Variants in ARHGAP26 observed in about 807,000 individuals in gnomAD.
ARHGAP26 encodes the protein rho GTPase-activating protein 26.
A neutral mutation model predicts 104.8 loss-of-function variants in ARHGAP26; 38 were observed. That is an observed-to-expected ratio of 0.36 (90% CI 0.28 to 0.48). The LOEUF is 0.48. Among genes scored for constraint, ARHGAP26 ranks in the 20% least tolerant of loss-of-function variants. The probability of loss-of-function intolerance (pLI) is 0.99; values close to 1 mark genes in which losing one functional copy is unlikely to be tolerated. For missense variants in ARHGAP26, 704 were observed against 947.9 expected, an observed-to-expected ratio of 0.74 and a Z score of 3.38; for synonymous variants, 341 against 340.0, an observed-to-expected ratio of 1.00 and a Z score of -0.03.
At chr5:142,913,838 G>A (rs1338670173) in intron 10 of ARHGAP26, among the ~76,000 whole-genome samples, 8 of 152,160 alleles carry the variant, frequency 5.3e-5, no homozygotes, top group South Asian at 2.1e-4. Context: ...AGAGAGAGCC[G>A]TGTGTTGTAT....
intron 10 of ARHGAP26, among the ~76,000 whole-genome samples, chr5:142,913,726 T>C (rs1026564551): frequency 1.3e-4 from 20 of 152,154 alleles, no homozygotes; most frequent in Non-Finnish European, 1.3e-4. Flanking sequence ...TGGAAGAAAT[T>C]TTTCTCAAAT....
chr5:143,208,784 G>A (rs1244534183), intron 21 of ARHGAP26, among the ~76,000 whole-genome samples: 1 of 152,200 alleles, frequency 6.6e-6, no homozygotes, highest in Non-Finnish European at 1.5e-5. Flanking sequence ...ACCTGGCTTT[G>A]TCCTGGATGA....
chr5:142,866,576 C>T (rs59672579), intron 1 of ARHGAP26, among the ~76,000 whole-genome samples: 17,510 of 152,134 alleles, frequency 0.12, 1,195 homozygotes, highest in East Asian at 0.28. Context: ...AGGGGTATTT[C>T]ATCTAAATAG....
intron 11 of ARHGAP26, among the ~76,000 whole-genome samples, chr5:142,986,653 C>G (rs1246415646): frequency 2.0e-5 from 3 of 152,182 alleles, no homozygotes; most frequent in Non-Finnish European, 2.9e-5. Flanking sequence ...ACATTTAAGT[C>G]TTTAATCCAT....
intron 18 of ARHGAP26, among the ~76,000 whole-genome samples, chr5:143,128,267 AG>A (rs1479682807): frequency 1.3e-5 from 2 of 152,220 alleles, no homozygotes; most frequent in Non-Finnish European, 2.9e-5. Flanking sequence ...ACTCAAATAA[AG>A]GTGGAGATTG....
intron 22 of ARHGAP26, among the ~76,000 whole-genome samples, chr5:143,219,244 G>C (rs1057182721): frequency 2.6e-5 from 4 of 152,180 alleles, no homozygotes; most frequent in African/African-American, 7.2e-5. Flanking sequence ...TTTCTCATCT[G>C]CAAAATACAG....
chr5:142,970,867 G>A (rs1309525831), intron 11 of ARHGAP26, among the ~76,000 whole-genome samples: 1 of 152,200 alleles, frequency 6.6e-6, no homozygotes, highest in Non-Finnish European at 1.5e-5. Flanking sequence ...TGGAGAAGGC[G>A]ATGTTTAACC....
At chr5:142,977,780 A>T (rs2152720378) in intron 11 of ARHGAP26, among the ~76,000 whole-genome samples, 1 of 152,352 alleles carries the variant, frequency 6.6e-6, no homozygotes, top group Non-Finnish European at 1.5e-5. Context: ...GACCACAAAA[A>T]TTCACGGAGG....
intron 1 of ARHGAP26, among the ~76,000 whole-genome samples, chr5:142,816,354 A>G (rs1457041570): frequency 6.6e-6 from 1 of 152,234 alleles, no homozygotes; most frequent in Non-Finnish European, 1.5e-5. Context: ...AGTGTTAGGT[A>G]CAGTGAAGGC....
intron 1 of ARHGAP26, among the ~76,000 whole-genome samples, chr5:142,823,737 G>A (rs994590157): frequency 3.9e-5 from 6 of 152,254 alleles, no homozygotes; most frequent in Non-Finnish European, 7.4e-5. Context: ...TGAATGTCAC[G>A]GTGTGTGTGT....
chr5:143,108,527 G>C (rs1470920145), intron 17 of ARHGAP26, among the ~76,000 whole-genome samples: 1 of 152,018 alleles, frequency 6.6e-6, no homozygotes, highest in Non-Finnish European at 1.5e-5. Context: ...CAGTCACTTT[G>C]GTAGACTGGC....
intron 17 of ARHGAP26, among the ~76,000 whole-genome samples, chr5:143,116,674 T>C (rs550599573): frequency 6.6e-6 from 1 of 152,334 alleles, no homozygotes; most frequent in Admixed American, 6.5e-5. Flanking sequence ...CCACCATCTT[T>C]ATCTGGAAGT....
At chr5:143,117,361 G>A (rs993901563) in intron 17 of ARHGAP26, among the ~76,000 whole-genome samples, 1 of 152,182 alleles carries the variant, frequency 6.6e-6, no homozygotes, top group Non-Finnish European at 1.5e-5. Context: ...GCCTGCAGAG[G>A]CTGACGTCTA....
intron 14 of ARHGAP26, among the ~76,000 whole-genome samples, chr5:143,046,235 C>T (rs982344849): frequency 7.2e-5 from 11 of 152,026 alleles, no homozygotes; most frequent in African/African-American, 9.7e-5. Context: ...ACCCAGGAAG[C>T]GGAGGTTGCA....
intron 1 of ARHGAP26, among the ~76,000 whole-genome samples, chr5:142,864,346 C>T (rs767756869): frequency 5.3e-5 from 8 of 152,170 alleles, no homozygotes; most frequent in African/African-American, 1.9e-4. Context: ...TTAAAAGGCA[C>T]GACTTGAGCT....
At chr5:142,991,107 C>A (rs1037045495) in intron 11 of ARHGAP26, among the ~76,000 whole-genome samples, 16 of 152,188 alleles carry the variant, frequency 1.1e-4, no homozygotes, top group Non-Finnish European at 4.4e-5. Context: ...GCGGTGGGCT[C>A]CACCCAGTTC....
intron 14 of ARHGAP26, among the ~76,000 whole-genome samples, chr5:143,048,245 G>A (rs1364224105): frequency 1.3e-5 from 2 of 151,922 alleles, no homozygotes; most frequent in African/African-American, 4.8e-5. Flanking sequence ...ACTTTATGGT[G>A]CATTTGTTTT....
chr5:142,796,062 G>A (rs1760931847), intron 1 of ARHGAP26, among the ~76,000 whole-genome samples: 2 of 146,186 alleles, frequency 1.4e-5, no homozygotes, highest in Admixed American at 1.3e-4. Context: ...TTCTGTGTGT[G>A]TGTGTGTGTG....
intron 1 of ARHGAP26, among the ~76,000 whole-genome samples, chr5:142,858,950 G>A (rs1752856978): frequency 3.3e-5 from 5 of 152,168 alleles, no homozygotes; most frequent in South Asian, 4.1e-4. Flanking sequence ...CTTTGTGGCC[G>A]GATGGATTGC....
Sources: gnomAD v4.1 joint callset for allele counts (sites outside exome capture counted in the v4.1 genomes callset) on GRCh38, gnomAD v4.1.1 for gene constraint, MANE v1.5 for transcripts, NCBI Gene and HGNC (gene_info 2026-07-23, HGNC 2026-07-21) for gene names.